The following BCL9L variants were observed in gnomAD, a reference collection of about 807,000 sequenced individuals.
BCL9L encodes the protein BCL9 like, also known as B-cell CLL/lymphoma 9-like protein.
BCL9L carries 19 observed loss-of-function variants against 99.4 expected under a neutral mutation model. The ratio of observed to expected loss-of-function variants is 0.19; its 90% CI spans 0.13 to 0.28. BCL9L has a LOEUF of 0.28. BCL9L is among the 10% of genes least tolerant of loss of function. The probability of loss-of-function intolerance (pLI) is 1.00; values close to 1 mark genes in which losing one functional copy is unlikely to be tolerated. For synonymous variants in BCL9L, 900 were observed against 854.8 expected (o/e 1.05, Z -0.92); for missense variants, 2,023 against 2,101.6 (o/e 0.96, Z 0.73).
At chr11:118,913,535 A>C (rs2509047) in intron 2 of BCL9L, among the ~76,000 whole-genome samples, 2 of 152,098 alleles carry the variant, frequency 1.3e-5, no homozygotes, top group Middle Eastern at 3.2e-3. Context: ...ACAGCTACCC[A>C]ATCCCCAGCT....
chr11:118,923,172 T>C (rs1329379443), intron 1 of BCL9L, among the ~76,000 whole-genome samples: 2 of 152,166 alleles, frequency 1.3e-5, no homozygotes, highest in Non-Finnish European at 2.9e-5. Flanking sequence ...ACTCCACTCC[T>C]GGGCTCCATG....
At chr11:118,912,144 C>T (rs1279401169) in intron 2 of BCL9L, among the ~76,000 whole-genome samples, 3 of 152,214 alleles carry the variant, frequency 2.0e-5, no homozygotes, top group Non-Finnish European at 2.9e-5. Flanking sequence ...CCGAAGACCC[C>T]TCCTCCTCCA....
Position 118,898,275 on chromosome 11 carries a change from A to C in BCL9L, c.*140T>G. 1 of 1,090,152 alleles carries C rather than the reference A, an allele frequency of 9.2e-7. No homozygotes were observed. 67.5% of individuals were successfully genotyped at this position (1,090,152 alleles called of 1,614,324 possible). On this transcript the variant is annotated 3_prime_UTR_variant, in exon 10 of 10. Transcript: ENST00000683865. ...GCTGCCAGCACATCTGGTTTCCACA[A>C]ATGCCACTCCCTACACAAGCCCCCT...
chr11:118,898,300 T>TCCCCCCCCCCCCCCCCCCCCC lies in BCL9L; in HGVS notation c.*114_*115insGGGGGGGGGGGGGGGGGGGGG. 5.4e-6 allele frequency: 1 copy of TCCCCCCCCCCCCCCCCCCCCC among 185,490 alleles called. No individual in the cohort carries two copies. Among genetic ancestry groups the TCCCCCCCCCCCCCCCCCCCCC allele is most frequent in the South Asian group, 4.7e-5 (1 of 21,478 alleles). The allele number at this position is 185,490 out of a possible 1,614,324, so 11.5% of individuals were successfully genotyped here. On this transcript the variant is annotated 3_prime_UTR_variant, in exon 10 of 10. Transcript: ENST00000683865. Reference sequence around the variant, plus strand: ...AATGCCACTCCCTACACAAGCCCCCTCCCACCCCCTCCACCCCACCCCGCG... The same window carrying TCCCCCCCCCCCCCCCCCCCCC: ...AATGCCACTCCCTACACAAGCCCCCTCCCCCCCCCCCCCCCCCCCCCCCCACCCCCTCCACCCCACCCCGCG...
At chr11:118,919,825 C>G (rs1028199606) in intron 1 of BCL9L, among the ~76,000 whole-genome samples, 46 of 152,218 alleles carry the variant, frequency 3.0e-4, no homozygotes, top group African/African-American at 1.1e-3. Flanking sequence ...TGGCACTGCC[C>G]TGCCCTGCCG....
At position 118,898,294 on chromosome 11, in the gene BCL9L, G is replaced by GCCCCCCACCCCCCCCCCCCCCCCCCCCC; in HGVS notation, c.*120_*121insGGGGGGGGGGGGGGGGGGGGGTGGGGGG. On this transcript the variant is annotated 3_prime_UTR_variant, in exon 10 of 10. Transcript: ENST00000683865. ...TCCACAAATGCCACTCCCTACACAA[G>GCCCCCCACCCCCCCCCCCCCCCCCCCCC]CCCCCTCCCACCCCCTCCACCCCAC... The GCCCCCCACCCCCCCCCCCCCCCCCCCCC allele has an allele frequency of 1.3e-5, 6 of 452,312 alleles. No homozygotes were observed. The highest frequency in any genetic ancestry group is 2.1e-5 in the South Asian group (1 of 47,946). 28.0% of individuals were successfully genotyped at this position (452,312 alleles called of 1,614,324 possible). A position where few individuals can be genotyped will look rare whatever the true frequency, so the allele number is the denominator to read the frequency against.
Position 118,925,847 on chromosome 11 carries a change from G to A in BCL9L, c.-740C>T, listed in dbSNP as rs1459441819. On this transcript the variant is annotated 5_prime_UTR_variant, in exon 1 of 10. Coordinates refer to ENST00000683865, the MANE Select transcript of BCL9L (RefSeq NM_001378213.1). The surrounding 1 kb of genome is among the most constrained non-coding windows in gnomAD (Gnocchi z 6.4). ...CATGTCCAGCCACTGGCTCCGCCGC[G>A]CGCCGCCGCCTCCCCGGGCTCCCCT... 6.6e-6 allele frequency among the ~76,000 whole-genome samples: 1 copy of A among 151,290 alleles called. No individual in the cohort carries two copies. The highest frequency in any genetic ancestry group is 1.5e-5 in the Non-Finnish European group (1 of 67,758).
rs1391368554 is a variant in BCL9L at position 118,922,813 on chromosome 11, C to A, written c.-131+2425G>T. ...CTCTTGAGCTACCTCACTCTCAGCA[C>A]CCAAGGAGCCCCAGAAACAGCCAGC... On this transcript the variant is annotated intron_variant, in intron 1 of 9. Coordinates refer to ENST00000683865, the MANE Select transcript of BCL9L (RefSeq NM_001378213.1). The surrounding 1 kb of genome is among the most constrained non-coding windows in gnomAD (Gnocchi z 6.2). Among the ~76,000 whole-genome samples, 1 of 152,134 alleles carries A rather than the reference C, an allele frequency of 6.6e-6. No homozygotes were observed. Among genetic ancestry groups the A allele is most frequent in the Non-Finnish European group, 1.5e-5 (1 of 68,004 alleles).
At chr11:118,909,878 C>A (rs763864247) in intron 3 of BCL9L, 36 bp downstream of exon 3, 2 of 1,613,806 alleles carry the variant, frequency 1.2e-6, no homozygotes, top group Non-Finnish European at 1.7e-6. Context: ...CCGCACTCCA[C>A]ACACACACAT....
intron 1 of BCL9L, among the ~76,000 whole-genome samples, chr11:118,919,353 G>A (rs1941079259): frequency 6.6e-6 from 1 of 151,712 alleles, no homozygotes; most frequent in African/African-American, 2.4e-5. Flanking sequence ...GGAAAAGAAT[G>A]GCTGTGTATT....
At chr11:118,905,879 C>T (rs1169573794) in intron 5 of BCL9L, among the ~76,000 whole-genome samples, 1 of 151,792 alleles carries the variant, frequency 6.6e-6, no homozygotes, top group African/African-American at 2.4e-5. Context: ...AAAATAGTCG[C>T]CTTGAGTATG....
At chr11:118,908,176 T>G (rs1940608021) in intron 4 of BCL9L, 94 bp downstream of exon 4, 1 of 1,469,608 alleles carries the variant, frequency 6.8e-7, no homozygotes. Flanking sequence ...GGATGAGGAC[T>G]GGACAAGCAG....
chr11:118,898,061 C>T lies in BCL9L; in HGVS notation c.*354G>A, dbSNP rs1006379820. Reference sequence around the variant, plus strand: ...CCTGACCTGTCCTTCCTCTCTCCCCCCAGATTCCCATCCAGGACTCCAAAA... The same window carrying T: ...CCTGACCTGTCCTTCCTCTCTCCCCTCAGATTCCCATCCAGGACTCCAAAA... On this transcript the variant is annotated 3_prime_UTR_variant, in exon 10 of 10. Transcript: ENST00000683865. 1 of 443,792 alleles carries T rather than the reference C, an allele frequency of 2.3e-6. No homozygotes were observed. Among genetic ancestry groups the T allele is most frequent in the Non-Finnish European group, 4.2e-6 (1 of 237,370 alleles). The allele number at this position is 443,792 out of a possible 1,614,324, so 27.5% of individuals were successfully genotyped here.
chr11:118,911,926 G>A (rs1444259238), intron 2 of BCL9L, among the ~76,000 whole-genome samples: 4 of 152,244 alleles, frequency 2.6e-5, no homozygotes, highest in African/African-American at 9.6e-5. Flanking sequence ...GTAAGAATTT[G>A]GGAAGGGGCT....
In BCL9L at chr11:118,907,591, G is replaced by C; in HGVS notation, c.424C>G (p.Arg142Gly). 1 of 1,613,164 alleles carries C rather than the reference G, an allele frequency of 6.2e-7. No homozygotes were observed. Among genetic ancestry groups the C allele is most frequent in the Non-Finnish European group, 8.5e-7 (1 of 1,180,020 alleles). Residue 142 changes from arginine to glycine, a missense_variant, in exon 5 of 10, where the codon CGG (arginine) becomes GGG (glycine). By Grantham distance (125) the Arg-to-Gly change is moderately radical. This residue lies in a region of BCL9L where 1,116 missense variants were observed against 1,194.6 expected (regional missense o/e 0.93). Coordinates refer to ENST00000683865, the MANE Select transcript of BCL9L (RefSeq NM_001378213.1). ...LDSEAKEVAP[R>G]SKRRCVLERK... ...TCCAGCACACAGCGCCGCTTACTCC[G>C]CGGCGCCACCTCTGCCCAGGCAGGA...
rs952407258 is a variant in BCL9L at position 118,902,797 on chromosome 11, T to A, written c.946A>T (p.Ser316Cys). ...LPPPPPPAPG[S>C]APPALPPEGP... ...TCTGGGGGCAGAGCAGGCGGGGCAC[T>A]GCCAGGGGCCGGGGGTGGCGGCGGC... The change falls in exon 8 of 10, where the codon AGT becomes TGT. Residue 316 changes from serine (S) to cysteine (C), a missense_variant. This residue lies in a region of BCL9L where 1,116 missense variants were observed against 1,194.6 expected (regional missense o/e 0.93). Transcript: ENST00000683865. This position sits in a 1 kb window ranked among gnomAD's most constrained non-coding sequence, Gnocchi z 7.8. 1.9e-6 allele frequency: 3 copies of A among 1,562,600 alleles called. No individual in the cohort carries two copies. The highest frequency in any genetic ancestry group is 1.7e-6 in the Non-Finnish European group (2 of 1,161,340).
In BCL9L at chr11:118,899,177, G is replaced by C. The variant is rs761653769; in HGVS notation, c.3738C>G (p.Gly1246=). Reference sequence around the variant, plus strand: ...AGTGCTGCTGCAGGCCAGGCCCCCCGCCCCCACCCCCAGTGGGGGCCATGG... The same window carrying C: ...AGTGCTGCTGCAGGCCAGGCCCCCCCCCCCCACCCCCAGTGGGGGCCATGG... ...HGAMAPTGGG[G]GGPGLQQHYP... is the part of the protein sequence containing the mutation. Residue 1246 remains glycine, a synonymous_variant, in exon 10 of 10, where the codon GGC becomes GGG. Coordinates refer to ENST00000683865, the MANE Select transcript of BCL9L (RefSeq NM_001378213.1). 1.3e-6 allele frequency: 2 copies of C among 1,484,096 alleles called. No individual in the cohort carries two copies. Among genetic ancestry groups the C allele is most frequent in the Admixed American group, 2.4e-5 (1 of 41,348 alleles). The allele number at this position is 1,484,096 out of a possible 1,614,324, so 91.9% of individuals were successfully genotyped here. A position where few individuals can be genotyped will look rare whatever the true frequency, so the allele number is the denominator to read the frequency against.
In BCL9L at chr11:118,903,123, G is replaced by A. The variant is rs74963880; in HGVS notation, c.750-49C>T. The A allele has an allele frequency of 1.9e-6, 3 of 1,549,414 alleles. No individual in the cohort carries two copies. The highest frequency in any genetic ancestry group is 2.6e-6 in the Non-Finnish European group (3 of 1,150,366). ...AGCTCAGAGAGGTGAGCAGGAGGGA[G>A]CCCCACCCTCACCCACCCCACCCTG... On this transcript the variant is annotated intron_variant, in intron 6 of 9. Transcript: ENST00000683865. The surrounding 1 kb of genome is among the most constrained non-coding windows in gnomAD (Gnocchi z 5.6).
rs1302205662 is a variant in BCL9L, at chr11:118,898,194, AAATGGAACCAACCCC to A, written c.*206_*220del. 1.5e-6 allele frequency: 1 copy of A among 650,902 alleles called. No homozygotes were observed. Among genetic ancestry groups the A allele is most frequent in the African/African-American group, 1.8e-5 (1 of 54,562 alleles). The allele number at this position is 650,902 out of a possible 1,614,324, so 40.3% of individuals were successfully genotyped here. On this transcript the variant is annotated 3_prime_UTR_variant, in exon 10 of 10. Transcript: ENST00000683865. ...GGGGGAGGGGCAGTCCTGGTGGCCG[AAATGGAACCAACCCC>A]AATGCAAAATCCCCCACCCCACACT...
Sources: allele counts gnomAD v4.1 joint callset (sites outside exome capture counted in the v4.1 genomes callset), GRCh38; gene constraint gnomAD v4.1.1; regional missense constraint gnomAD v4.1.1; non-coding constraint Gnocchi (gnomAD v3.1); transcripts MANE v1.5; gene names NCBI Gene and HGNC (gene_info 2026-07-23, HGNC 2026-07-21).